The following HEXB variants were observed in gnomAD, a reference collection of about 807,000 sequenced individuals.
The protein encoded by HEXB is hexosaminidase subunit beta, also known as beta-hexosaminidase subunit beta.
Under a neutral mutation model 71.2 loss-of-function variants are expected in HEXB, and 51 were observed. That is an observed-to-expected ratio of 0.72 (90% confidence interval 0.57 to 0.90). The LOEUF is 0.90. Ranked by LOEUF, HEXB falls within the 40% of genes least tolerant of loss-of-function variation. HEXB has a pLI of 0.00. For missense variants in HEXB, 617 were observed against 677.0 expected (o/e 0.91, Z 0.98); for synonymous variants, 266 against 249.3 (o/e 1.07, Z -0.63).
At chr5:74,682,204 A>T (rs1029906189), upstream of HEXB, among the ~76,000 whole-genome samples, 1 of 152,168 alleles carries the variant, frequency 6.6e-6, no homozygotes, top group African/African-American at 2.4e-5. Flanking sequence ...TAAAAATACA[A>T]AAAATTAGCC....
intron 1 of HEXB, among the ~76,000 whole-genome samples, chr5:74,663,466 C>T (rs962766839): frequency 1.3e-5 from 2 of 152,012 alleles, no homozygotes; most frequent in Non-Finnish European, 2.9e-5. Flanking sequence ...GTTGGGATTA[C>T]AGGCATGAGC....
intron 1 of HEXB, among the ~76,000 whole-genome samples, chr5:74,645,332 G>A (rs561318774): frequency 6.6e-6 from 1 of 152,152 alleles, no homozygotes; most frequent in African/African-American, 2.4e-5. Context: ...CTCCTGAGTA[G>A]CTGGGACTGC....
intron 1 of HEXB, among the ~76,000 whole-genome samples, chr5:74,665,450 G>A (rs10515186): frequency 1.3e-5 from 2 of 151,942 alleles, no homozygotes; most frequent in Non-Finnish European, 2.9e-5. Flanking sequence ...GAGGAGGAGA[G>A]TTGTGCAATA....
rs377652697 is a variant in HEXB, at chr5:74,713,536, C to A, written c.802C>A (p.Pro268Thr). The A allele has an allele frequency of 1.2e-5, 20 of 1,611,126 alleles. No homozygotes were observed. The highest frequency in any genetic ancestry group is 1.7e-5 in the Non-Finnish European group (20 of 1,177,314). ...CTATTCTTTGTCTCATGTTTATACA[C>A]CAAATGATGTCCGTATGGTGATTGA... ...GSYSLSHVYT[P>T]NDVRMVIEYA... Residue 268 changes from proline (P) to threonine (T), a missense_variant, in exon 7 of 14, where the codon CCA (proline) becomes ACA (threonine). Pro to Thr is a conservative substitution (Grantham distance 38). Coordinates refer to ENST00000261416, the MANE Select transcript of HEXB (RefSeq NM_000521.4).
chr5:74,691,210 T>A (rs2112132408), intron 2 of HEXB, among the ~76,000 whole-genome samples: 1 of 152,286 alleles, frequency 6.6e-6, no homozygotes, highest in East Asian at 1.9e-4. Flanking sequence ...GTAACACATA[T>A]GAATGGAAAT....
chr5:74,646,002 A>G (rs1365025961), intron 1 of HEXB, among the ~76,000 whole-genome samples: 1 of 151,870 alleles, frequency 6.6e-6, no homozygotes, highest in Non-Finnish European at 1.5e-5. Context: ...TCTAGAACCA[A>G]ACTTGGATCC....
intron 1 of HEXB, among the ~76,000 whole-genome samples, chr5:74,648,625 C>T (rs2112070579): frequency 6.6e-6 from 1 of 152,314 alleles, no homozygotes; most frequent in Non-Finnish European, 1.5e-5. Flanking sequence ...TTCTAGGACA[C>T]TTGTTGAAAG....
intron 1 of HEXB, among the ~76,000 whole-genome samples, chr5:74,647,164 G>A (rs1278198492): frequency 6.6e-6 from 1 of 152,080 alleles, no homozygotes; most frequent in Non-Finnish European, 1.5e-5. Context: ...TTTTTCTTTT[G>A]AGTACCCCAA....
At chr5:74,684,677 T>TC (rs202186582), upstream of HEXB, among the ~76,000 whole-genome samples, 7,539 of 138,568 alleles carry the variant, frequency 0.054, 404 homozygotes, top group African/African-American at 0.12. Flanking sequence ...TTCTTTTCTT[T>TC]TTTTTTTTTT....
At chr5:74,648,945 A>G (rs945749561) in intron 1 of HEXB, among the ~76,000 whole-genome samples, 1 of 152,178 alleles carries the variant, frequency 6.6e-6, no homozygotes, top group Non-Finnish European at 1.5e-5. Flanking sequence ...GTTTCCACAG[A>G]CCACAGCACA....
chr5:74,713,222 T>C (rs1749591934), intron 6 of HEXB, among the ~76,000 whole-genome samples: 1 of 152,232 alleles, frequency 6.6e-6, no homozygotes, highest in Admixed American at 6.5e-5. Flanking sequence ...ACTGAGAATT[T>C]ATTGCTAAAA....
chr5:74,711,692 A>C (rs556885068), intron 6 of HEXB, among the ~76,000 whole-genome samples: 3,642 of 152,226 alleles, frequency 0.024, 146 homozygotes, highest in African/African-American at 0.084. Flanking sequence ...AATGCTCATC[A>C]TCACTGGCCG....
At chr5:74,683,661 G>A (rs1388716792), upstream of HEXB, among the ~76,000 whole-genome samples, 5 of 151,950 alleles carry the variant, frequency 3.3e-5, no homozygotes, top group African/African-American at 1.2e-4. Context: ...TCTATGGCTT[G>A]CTCTGGGGAA....
chr5:74,719,906 A>ACTCCAG (rs1749779023), intron 11 of HEXB: 1 of 159,600 alleles, frequency 6.3e-6, no homozygotes, highest in Non-Finnish European at 1.4e-5. Flanking sequence ...GCGCCACTGC[A>ACTCCAG]CTCCAGCCTG....
rs952712165 is a variant in HEXB, at chr5:74,718,952, G to A, written c.1398G>A (p.Val466=). ...AAGATTGGAGGAAATACTATAAAGTGGAACCTCTTGATTTTGGCGGTAAGT... is the reference window on the plus strand; with the variant it reads ...AAGATTGGAGGAAATACTATAAAGTAGAACCTCTTGATTTTGGCGGTAAGT... ...YGQDWRKYYK[V]EPLDFGGTQK... Residue 466 remains valine, a synonymous_variant, in exon 11 of 14, where the codon GTG becomes GTA. Transcript: ENST00000261416. The A allele has an allele frequency of 1.9e-6, 3 of 1,613,972 alleles. No homozygotes were observed. The highest frequency in any genetic ancestry group is 3.3e-5 in the Admixed American group (2 of 59,996).
chr5:74,691,880 C>T (rs1264844735), intron 2 of HEXB, among the ~76,000 whole-genome samples: 1 of 152,100 alleles, frequency 6.6e-6, no homozygotes, highest in Admixed American at 6.6e-5. Flanking sequence ...GATATAATTC[C>T]TTTCACACTT....
At chr5:74,686,877 T>A (rs1748887525) in intron 1 of HEXB, among the ~76,000 whole-genome samples, 1 of 152,228 alleles carries the variant, frequency 6.6e-6, no homozygotes, top group East Asian at 1.9e-4. Flanking sequence ...GCTTATTATG[T>A]TTGCCTTGGA....
In HEXB at chr5:74,716,621, CA is replaced by C; in HGVS notation, c.1122del (p.Gly375AlafsTer9). ...TCCAAAAATTCAAGATTTCATGAGG[CA>C]AAAAGGCTTTGGCACAGATTTTAAG... is the stretch of plus-strand genomic sequence containing the variant. Reference protein sequence around the residue: ...SNPKIQDFMRQKGFGTDFKKL... With the variant: ...SNPKIQDFMRXKGFGTDFKKL... On this transcript the variant is annotated frameshift_variant, in exon 9 of 14. Transcript: ENST00000261416. LOFTEE classifies it high-confidence loss of function. 1 of 1,609,514 alleles carries C rather than the reference CA, an allele frequency of 6.2e-7. No homozygotes were observed. The highest frequency in any genetic ancestry group is 8.5e-7 in the Non-Finnish European group (1 of 1,177,866).
At position 74,718,839 on chromosome 5, in the gene HEXB, T is replaced by C. The variant is rs1469927575; in HGVS notation, c.1285T>C (p.Tyr429His). Reference protein sequence around the residue: ...TIVEVWKDSAYPEELSRVTAS... With the variant: ...TIVEVWKDSAHPEELSRVTAS... Reference sequence around the variant, plus strand: ...AGTTGAAGTATGGAAAGACAGCGCATATCCTGAGGAACTCAGTAGAGTCAC... The same window carrying C: ...AGTTGAAGTATGGAAAGACAGCGCACATCCTGAGGAACTCAGTAGAGTCAC... The change falls in exon 11 of 14, where the codon TAT (tyrosine) becomes CAT (histidine). Residue 429 changes from tyrosine (Y) to histidine (H), a missense_variant. Transcript: ENST00000261416. 3.7e-6 allele frequency: 6 copies of C among 1,614,158 alleles called. No individual in the cohort carries two copies. Among genetic ancestry groups the C allele is most frequent in the Non-Finnish European group, 5.1e-6 (6 of 1,180,008 alleles).
Sources: allele counts gnomAD v4.1 joint callset (sites outside exome capture counted in the v4.1 genomes callset), GRCh38; gene constraint gnomAD v4.1.1; transcripts MANE v1.5; gene names NCBI Gene and HGNC (gene_info 2026-07-23, HGNC 2026-07-21).